HTT: variants seen among roughly 807,000 people sequenced by gnomAD.
The protein encoded by HTT is huntington disease protein.
A neutral mutation model predicts 362.3 loss-of-function variants in HTT; 104 were observed. The ratio of observed to expected loss-of-function variants is 0.29; its 90% CI spans 0.24 to 0.34. The LOEUF is 0.34. HTT is among the 10% of genes least tolerant of loss of function. HTT has a pLI of 1.00. For missense variants in HTT, 3,301 were observed against 3,928.6 expected (o/e 0.84, Z 4.27); for synonymous variants, 1,577 against 1,548.7 (o/e 1.02, Z -0.43).
At chr4:3,182,081 A>G (rs1718548133) in intron 36 of HTT, among the ~76,000 whole-genome samples, 1 of 152,208 alleles carries the variant, frequency 6.6e-6, no homozygotes, top group African/African-American at 2.4e-5. Context: ...AAATATTACA[A>G]ATTCTATACA....
rs181961779 is a variant in HTT, at chr4:3,116,164, C to T, written c.969C>T (p.Pro323=). ...TGCTCACCCTGAGGTATTTGGTGCC[C>T]TTGCTGCAGCAGCAGGTCAAGGACA... ...GVLLTLRYLV[P]LLQQQVKDTS... Residue 323 remains proline, a synonymous_variant, in exon 8 of 67, where the codon CCC becomes CCT. Coordinates refer to ENST00000355072, the MANE Select transcript of HTT (RefSeq NM_001388492.1). The T allele has an allele frequency of 1.2e-6, 2 of 1,614,066 alleles. No individual in the cohort carries two copies. The highest frequency in any genetic ancestry group is 3.3e-5 in the Admixed American group (2 of 60,028).
In HTT at chr4:3,140,309, C is replaced by T. The variant is rs139179816; in HGVS notation, c.2799-201C>T. ...AGAAAGTACAGCACCCAGTTATGTC[C>T]GAGTGGGTGCATGAGAGTGACCCTG... On this transcript the variant is annotated intron_variant, in intron 21 of 66. Coordinates refer to ENST00000355072, the MANE Select transcript of HTT (RefSeq NM_001388492.1). Among the ~76,000 whole-genome samples, 1,374 of 151,936 alleles carry T rather than the reference C, an allele frequency of 9.0e-3. 7 individuals carry two copies. Among genetic ancestry groups the T allele is most frequent in the African/African-American group, 0.019 (772 of 41,412 alleles).
chr4:3,086,577 G>A (rs1052256844), intron 1 of HTT, among the ~76,000 whole-genome samples: 2 of 152,170 alleles, frequency 1.3e-5, no homozygotes, highest in African/African-American at 4.8e-5. Context: ...AGGCTGAGAC[G>A]GGAGGATCCT....
intron 29 of HTT, among the ~76,000 whole-genome samples, chr4:3,168,282 C>G (rs540121939): frequency 6.6e-6 from 1 of 152,186 alleles, no homozygotes. Flanking sequence ...AGCCCCTGCA[C>G]CAACATGCAT....
At chr4:3,203,874 C>A in intron 41 of HTT, 133 bp from the exon 42 acceptor site, 1 of 797,298 alleles carries the variant, frequency 1.3e-6, no homozygotes, top group Non-Finnish European at 2.0e-6. Context: ...ACACATACAA[C>A]ATTCTGATAT....
At chr4:3,148,367 T>C (rs1437937889) in intron 26 of HTT, among the ~76,000 whole-genome samples, 160 bp downstream of exon 26, 2 of 152,210 alleles carry the variant, frequency 1.3e-5, no homozygotes, top group Admixed American at 6.5e-5. Context: ...AATGTGACCA[T>C]GTGGATGGGT....
chr4:3,082,720 G>A (rs188491651), intron 1 of HTT, among the ~76,000 whole-genome samples: 41 of 152,290 alleles, frequency 2.7e-4, no homozygotes, highest in African/African-American at 8.4e-4. Context: ...GCATTTGGGA[G>A]GAAGACCTGT....
intron 6 of HTT, among the ~76,000 whole-genome samples, chr4:3,109,362 A>C (rs1434139467): frequency 6.6e-6 from 1 of 151,736 alleles, no homozygotes; most frequent in Non-Finnish European, 1.5e-5. Context: ...AGTAGCTGGG[A>C]TTACAGGCAT....
At chr4:3,238,384 C>A (rs532184766) in intron 64 of HTT, 63 bp from the exon 65 acceptor site, 1 of 1,323,808 alleles carries the variant, frequency 7.6e-7, no homozygotes, top group Non-Finnish European at 1.1e-6. Context: ...CAAGGCCCTC[C>A]GCGGGCAGGT....
intron 5 of HTT, 36 bp from the exon 6 acceptor site, chr4:3,107,249 G>A (rs780238568): frequency 1.4e-5 from 22 of 1,602,334 alleles, no homozygotes; most frequent in Non-Finnish European, 1.8e-5. Flanking sequence ...CTGAAGGAGA[G>A]CTGGAAGAAT....
chr4:3,075,647 CAG>C (rs1712491687), intron 1 of HTT, among the ~76,000 whole-genome samples: 3 of 61,676 alleles, frequency 4.9e-5, no homozygotes, highest in South Asian at 4.5e-4. Context: ...AGTGGCGGGG[CAG>C]GGGGGGGGCG....
chr4:3,223,379 T>C (rs1268190327), intron 54 of HTT, 27 bp from the exon 55 acceptor site: 1 of 1,548,736 alleles, frequency 6.5e-7, no homozygotes, highest in Non-Finnish European at 8.7e-7. Flanking sequence ...CTTGCTGCTC[T>C]TGTTGACATG....
At chr4:3,154,133 G>T (rs1237161068) in intron 26 of HTT, among the ~76,000 whole-genome samples, 160 bp from the exon 27 acceptor site, 1 of 152,206 alleles carries the variant, frequency 6.6e-6, no homozygotes, top group African/African-American at 2.4e-5. Flanking sequence ...AATGTGTACA[G>T]TGTCTGAACT....
At position 3,136,276 on chromosome 4, in the gene HTT, T is replaced by G. The variant is rs764001870; in HGVS notation, c.2748T>G (p.Leu916=). The G allele has an allele frequency of 6.2e-7, 1 of 1,612,796 alleles. No individual in the cohort carries two copies. Among genetic ancestry groups the G allele is most frequent in the South Asian group, 1.1e-5 (1 of 91,032 alleles). Residue 916 remains leucine (L), a synonymous_variant, in exon 21 of 67, where the codon CTT becomes CTG. Transcript: ENST00000355072. ...TCAATAATGTTGTCATCCATTTGCT[T>G]GGAGATGAAGACCCCAGGGTGCGAC... ...RVLNNVVIHL[L]GDEDPRVRHV...
At chr4:3,114,435 C>T (rs1714921319) in intron 6 of HTT, among the ~76,000 whole-genome samples, 1 of 152,192 alleles carries the variant, frequency 6.6e-6, no homozygotes, top group African/African-American at 2.4e-5. Flanking sequence ...CCCTGGGAGG[C>T]GATAAGCCTC....
Position 3,222,483 on chromosome 4 carries a change from C to T in HTT, c.7466C>T (p.Pro2489Leu). The T allele has an allele frequency of 6.2e-7, 1 of 1,613,280 alleles. No individual in the cohort carries two copies. The highest frequency in any genetic ancestry group is 8.5e-7 in the Non-Finnish European group (1 of 1,179,450). Residue 2489 changes from proline to leucine, a missense_variant, in exon 54 of 67, where the codon CCA becomes CTA. Coordinates refer to ENST00000355072, the MANE Select transcript of HTT (RefSeq NM_001388492.1). ...PLVMEQEESP[P>L]EEDTERTQIN... ...GTGATGGAGCAGGAGGAGAGCCCAC[C>T]AGAAGTAAGGCCACACCCTGTGCTG...
At chr4:3,095,342 C>T (rs544964152) in intron 2 of HTT, among the ~76,000 whole-genome samples, 3 of 152,346 alleles carry the variant, frequency 2.0e-5, no homozygotes, top group Admixed American at 6.5e-5. Context: ...CCGGCCAACA[C>T]GGCGAAACCC....
At chr4:3,129,792 A>G in intron 12 of HTT, 132 bp from the exon 13 acceptor site, 1 of 1,084,158 alleles carries the variant, frequency 9.2e-7, no homozygotes, top group Non-Finnish European at 1.4e-6. Flanking sequence ...GTGCCTTGAA[A>G]TAAATGACAG....
At chr4:3,093,078 G>A (rs1425308131) in intron 2 of HTT, among the ~76,000 whole-genome samples, 1 of 152,206 alleles carries the variant, frequency 6.6e-6, no homozygotes, top group Non-Finnish European at 1.5e-5. Context: ...GAGCTGCAGA[G>A]GGAGCTCCGG....
Sources: gnomAD v4.1 joint callset for allele counts (sites outside exome capture counted in the v4.1 genomes callset) on GRCh38, gnomAD v4.1.1 for gene constraint, MANE v1.5 for transcripts, NCBI Gene and HGNC (gene_info 2026-07-23, HGNC 2026-07-21) for gene names.